Variants in TSHZ2 observed in about 807,000 individuals in gnomAD.
TSHZ2 encodes the protein teashirt zinc finger homeobox 2.
Under a neutral mutation model 74.4 loss-of-function variants are expected in TSHZ2, and 21 were observed. That is an observed-to-expected ratio of 0.28 (90% CI 0.20 to 0.41). TSHZ2 has a LOEUF of 0.41. Ranked by LOEUF, TSHZ2 falls within the 10% of genes least tolerant of loss-of-function variation. The pLI is 1.00. For missense variants in TSHZ2, 1,244 were observed against 1,293.5 expected (o/e 0.96, Z 0.59); for synonymous variants, 540 against 515.3 (o/e 1.05, Z -0.65).
intron 2 of TSHZ2, among the ~76,000 whole-genome samples, chr20:53,365,065 AG>A (rs1034980574): frequency 1.3e-5 from 2 of 152,256 alleles, no homozygotes; most frequent in Admixed American, 1.3e-4. Flanking sequence ...TTCTTGAGAC[AG>A]GGGGATCATT....
At chr20:53,469,634 G>GAGGGAGGGAGGGAGGA (rs1306380564) in intron 2 of TSHZ2, among the ~76,000 whole-genome samples, 2 of 35,480 alleles carry the variant, frequency 5.6e-5, no homozygotes, top group African/African-American at 1.5e-4. Flanking sequence ...GGAAGGGAGG[G>GAGGGAGGGAGGGAGGA]AGGAAGGAAG....
chr20:53,361,669 G>A (rs1981058683), intron 2 of TSHZ2, among the ~76,000 whole-genome samples: 1 of 152,116 alleles, frequency 6.6e-6, no homozygotes, highest in African/African-American at 2.4e-5. Context: ...GGGATCGGTT[G>A]TCACAAAGAT....
intron 1 of TSHZ2, among the ~76,000 whole-genome samples, chr20:52,978,087 C>T (rs528953047): frequency 2.6e-5 from 4 of 152,164 alleles, no homozygotes; most frequent in Non-Finnish European, 5.9e-5. Flanking sequence ...TAGTCTCCAA[C>T]GGACGTTTAT....
At chr20:53,334,725 C>T (rs975440248) in intron 2 of TSHZ2, among the ~76,000 whole-genome samples, 3 of 151,714 alleles carry the variant, frequency 2.0e-5, no homozygotes, top group South Asian at 2.1e-4. Context: ...GGCAGAGTCT[C>T]GCTCTGTCGC....
intron 2 of TSHZ2, among the ~76,000 whole-genome samples, chr20:53,271,904 T>C (rs919636461): frequency 6.6e-6 from 1 of 152,214 alleles, no homozygotes; most frequent in Non-Finnish European, 1.5e-5. Context: ...AAACTTTGTC[T>C]TTTCATGATC....
intron 1 of TSHZ2, among the ~76,000 whole-genome samples, 185 bp from the exon 2 acceptor site, chr20:53,253,314 A>C (rs570442586): frequency 2.6e-4 from 40 of 152,078 alleles, no homozygotes; most frequent in African/African-American, 8.9e-4. Flanking sequence ...AAAAAAAAAA[A>C]AAAAAACACT....
intron 2 of TSHZ2, among the ~76,000 whole-genome samples, chr20:53,450,566 C>T: frequency 6.6e-6 from 1 of 152,216 alleles, no homozygotes; most frequent in East Asian, 1.9e-4. Context: ...ACCCAAGCTC[C>T]AGGATGGAGT....
chr20:53,380,997 TC>T (rs755841605), intron 2 of TSHZ2, among the ~76,000 whole-genome samples: 16 of 152,236 alleles, frequency 1.1e-4, no homozygotes, highest in Admixed American at 2.0e-4. Context: ...CTATGCAGAA[TC>T]CTGCGTTTGT....
intron 2 of TSHZ2, among the ~76,000 whole-genome samples, chr20:53,333,316 A>G (rs1979801256): frequency 6.6e-6 from 1 of 152,234 alleles, no homozygotes; most frequent in African/African-American, 2.4e-5. Context: ...AAGAGGCTAG[A>G]TCGCAGATTG....
At chr20:53,032,736 A>G (rs1233321939) in intron 1 of TSHZ2, among the ~76,000 whole-genome samples, 2 of 149,190 alleles carry the variant, frequency 1.3e-5, no homozygotes, top group Non-Finnish European at 3.0e-5. Context: ...ACTTTTCCCC[A>G]TGTCCTGATT....
At chr20:53,361,068 C>T (rs1008644439) in intron 2 of TSHZ2, among the ~76,000 whole-genome samples, 1 of 152,194 alleles carries the variant, frequency 6.6e-6, no homozygotes, top group African/African-American at 2.4e-5. Context: ...GCTGCCCGCC[C>T]AGCCCCCAGG....
intron 1 of TSHZ2, among the ~76,000 whole-genome samples, chr20:53,015,548 T>C (rs1446814410): frequency 6.6e-6 from 1 of 152,194 alleles, no homozygotes; most frequent in Non-Finnish European, 1.5e-5. Context: ...ATGGGGCCTC[T>C]TCTGTCTGGT....
At chr20:53,000,604 T>C (rs1982372940) in intron 1 of TSHZ2, among the ~76,000 whole-genome samples, 1 of 152,114 alleles carries the variant, frequency 6.6e-6, no homozygotes, top group South Asian at 2.1e-4. Context: ...AGTATGGAGA[T>C]AAAACAGAAA....
chr20:53,134,436 A>G (rs1987190287), intron 1 of TSHZ2, among the ~76,000 whole-genome samples: 1 of 152,190 alleles, frequency 6.6e-6, no homozygotes, highest in Non-Finnish European at 1.5e-5. Flanking sequence ...TTTAACCTGG[A>G]GCATAGCACA....
At chr20:53,063,770 C>T (rs1275991933) in intron 1 of TSHZ2, among the ~76,000 whole-genome samples, 1 of 152,146 alleles carries the variant, frequency 6.6e-6, no homozygotes, top group Non-Finnish European at 1.5e-5. Flanking sequence ...GTGTGTTTGT[C>T]AGCAACCGAA....
intron 2 of TSHZ2, among the ~76,000 whole-genome samples, chr20:53,449,105 A>G (rs1261533529): frequency 3.9e-5 from 6 of 152,024 alleles, no homozygotes; most frequent in Non-Finnish European, 4.4e-5. Flanking sequence ...TCACCCCCCA[A>G]CACTTTACTG....
intron 2 of TSHZ2, among the ~76,000 whole-genome samples, chr20:53,364,673 C>T (rs1981189954): frequency 6.6e-6 from 1 of 152,164 alleles, no homozygotes; most frequent in African/African-American, 2.4e-5. Flanking sequence ...TGCTAGAGAT[C>T]CCAGTGGGAA....
chr20:53,120,764 C>T (rs1402511861), intron 1 of TSHZ2, among the ~76,000 whole-genome samples: 1 of 152,200 alleles, frequency 6.6e-6, no homozygotes, highest in Admixed American at 6.5e-5. Flanking sequence ...CAAAGAGCAA[C>T]AATTTGAATT....
rs2145776856 is a variant in TSHZ2 at position 53,448,978 on chromosome 20, A to C, written c.*9-38166A>C. Among the ~76,000 whole-genome samples, 3 of 152,256 alleles carry C rather than the reference A, an allele frequency of 2.0e-5. No homozygotes were observed. The Middle Eastern group carries it at 0.01, about 518-fold the overall frequency. On this transcript the variant is annotated intron_variant, in intron 2 of 2. Coordinates refer to ENST00000371497, the MANE Select transcript of TSHZ2 (RefSeq NM_173485.6). ...CACACATTATCACCAACTCTCCCAC[A>C]CACAAAAAAAAGATGTATATAATCA... is the stretch of plus-strand genomic sequence containing the variant.
Sources: gnomAD v4.1 joint callset for allele counts (sites outside exome capture counted in the v4.1 genomes callset) on GRCh38, gnomAD v4.1.1 for gene constraint, MANE v1.5 for transcripts, NCBI Gene and HGNC (gene_info 2026-07-23, HGNC 2026-07-21) for gene names.